Variants in CLVS1 observed in about 807,000 individuals in gnomAD.
CLVS1 encodes the protein clavesin-1.
Under a neutral mutation model 33.1 loss-of-function variants are expected in CLVS1, and 10 were observed. The observed-to-expected ratio is 0.30, with a 90% CI of 0.19 to 0.51. The LOEUF is 0.51. Ranked by LOEUF, CLVS1 falls within the 20% of genes least tolerant of loss-of-function variation. CLVS1 has a pLI of 0.97. For missense variants in CLVS1, 343 were observed against 433.4 expected (o/e 0.79, Z 1.85); for synonymous variants, 163 against 166.1 (o/e 0.98, Z 0.14).
chr8:61,034,628 C>T, the CLVS1 span, among the ~76,000 whole-genome samples: 1 of 152,084 alleles, frequency 6.6e-6, no homozygotes, highest in Non-Finnish European at 1.5e-5. Context: ...AGAAGTTTTA[C>T]CAATTCTCTC....
intron 3 of CLVS1, among the ~76,000 whole-genome samples, chr8:61,405,394 G>A (rs1214139245): frequency 1.3e-5 from 2 of 152,138 alleles, no homozygotes; most frequent in South Asian, 4.1e-4. Context: ...TTACACAAGG[G>A]CATTTCTGCA....
intron 1 of CLVS1, among the ~76,000 whole-genome samples, chr8:61,072,391 A>AC (rs1273314449): frequency 6.6e-6 from 1 of 151,888 alleles, no homozygotes; most frequent in East Asian, 1.9e-4. Flanking sequence ...GTTTCCTAAG[A>AC]CCCCCTCTTA....
intron 5 of CLVS1, among the ~76,000 whole-genome samples, chr8:61,481,900 T>A (rs1302505464): frequency 6.6e-6 from 1 of 152,210 alleles, no homozygotes; most frequent in Non-Finnish European, 1.5e-5. Context: ...GTCTGCCTCC[T>A]CAAGTGGGTC....
At chr8:61,371,375 G>A (rs749361496) in intron 2 of CLVS1, among the ~76,000 whole-genome samples, 1 of 152,124 alleles carries the variant, frequency 6.6e-6, no homozygotes, top group Non-Finnish European at 1.5e-5. Context: ...GGAGTTCCTT[G>A]TAGATTCTGG....
intron 2 of CLVS1, among the ~76,000 whole-genome samples, chr8:61,182,150 C>T (rs1291625247): frequency 6.6e-6 from 1 of 152,044 alleles, no homozygotes; most frequent in African/African-American, 2.4e-5. Context: ...AAAACTGGAC[C>T]CCTTCCTTAC....
At chr8:61,017,129 G>A in the CLVS1 span, among the ~76,000 whole-genome samples, 1 of 152,214 alleles carries the variant, frequency 6.6e-6, no homozygotes, top group East Asian at 1.9e-4. Context: ...TGCACTGGGG[G>A]AGAGCCGAGC....
rs1222688861 is a variant in CLVS1, at chr8:61,116,859, T to G, written c.-242-14911T>G. On this transcript the variant is annotated intron_variant, in intron 1 of 2. Coordinates refer to the CLVS1 transcript ENST00000522621. ...GGATTGACTTGGCGATGCGGGCTCT[T>G]TTTTGGTTCCATATGAACTTTAAAG... is the stretch of plus-strand genomic sequence containing the variant. Among the ~76,000 whole-genome samples, 12 of 142,410 alleles carry G rather than the reference T, an allele frequency of 8.4e-5. No individual in the cohort carries two copies. The Admixed American group carries it at 8.5e-4, about 10-fold the overall frequency. 93.4% of individuals were successfully genotyped at this position (142,410 alleles called of 152,430 possible). A position where few individuals can be genotyped will look rare whatever the true frequency, so the allele number is the denominator to read the frequency against.
chr8:61,097,175 C>T (rs572796441), intron 1 of CLVS1, among the ~76,000 whole-genome samples: 9 of 149,050 alleles, frequency 6.0e-5, no homozygotes, highest in African/African-American at 2.0e-4. Flanking sequence ...GCCTGGGCAA[C>T]ATAGGGAGAT....
At chr8:61,453,801 C>G (rs956989845) in intron 3 of CLVS1, among the ~76,000 whole-genome samples, 24 of 152,120 alleles carry the variant, frequency 1.6e-4, no homozygotes, top group African/African-American at 5.3e-4. Context: ...GCCTTCGTTA[C>G]CTAACGCAAT....
chr8:61,377,010 C>T, intron 3 of CLVS1: 1 of 443,518 alleles, frequency 2.3e-6, no homozygotes, highest in Non-Finnish European at 4.0e-6. Flanking sequence ...AAATTATCCT[C>T]TGTAGCAATA....
intron 2 of CLVS1, among the ~76,000 whole-genome samples, chr8:61,159,564 G>C (rs925909019): frequency 2.6e-5 from 4 of 152,122 alleles, no homozygotes; most frequent in African/African-American, 7.2e-5. Flanking sequence ...ACAGAGAAAA[G>C]CACTTTTATT....
the CLVS1 span, among the ~76,000 whole-genome samples, chr8:61,035,145 C>T: frequency 1.3e-5 from 2 of 150,474 alleles, no homozygotes; most frequent in African/African-American, 4.9e-5. Flanking sequence ...CTTGAGATTG[C>T]TGCTCTTTCA....
chr8:61,096,468 C>A (rs1467841918), intron 1 of CLVS1, among the ~76,000 whole-genome samples: 1 of 152,096 alleles, frequency 6.6e-6, no homozygotes, highest in African/African-American at 2.4e-5. Flanking sequence ...AAAGAAAACC[C>A]CATATTCTGT....
At chr8:61,405,855 AGTTTTG>A (rs1814965933) in intron 3 of CLVS1, among the ~76,000 whole-genome samples, 1 of 151,748 alleles carries the variant, frequency 6.6e-6, no homozygotes, top group Non-Finnish European at 1.5e-5. Flanking sequence ...TTATGAAGAT[AGTTTTG>A]ACCCTGTGGC....
At chr8:61,490,667 A>AT (rs2129608594) in intron 5 of CLVS1, among the ~76,000 whole-genome samples, 1 of 150,532 alleles carries the variant, frequency 6.6e-6, no homozygotes, top group Non-Finnish European at 1.5e-5. Context: ...AAAAAAAAAA[A>AT]AAAAAGTAGG....
chr8:61,172,749 T>G (rs1191546149), intron 2 of CLVS1, among the ~76,000 whole-genome samples: 1 of 151,184 alleles, frequency 6.6e-6, no homozygotes, highest in Admixed American at 6.6e-5. Context: ...TCCTAACTAG[T>G]GAGCAGTCTC....
At chr8:61,210,939 G>A (rs1393141930) in intron 2 of CLVS1, among the ~76,000 whole-genome samples, 2 of 151,996 alleles carry the variant, frequency 1.3e-5, no homozygotes, top group Non-Finnish European at 2.9e-5. Flanking sequence ...GGGAAGAGAG[G>A]GAGACTTCCT....
At chr8:61,101,977 A>G (rs1249643636) in intron 1 of CLVS1, among the ~76,000 whole-genome samples, 2 of 152,160 alleles carry the variant, frequency 1.3e-5, no homozygotes, top group East Asian at 3.8e-4. Flanking sequence ...ACAGTACCAC[A>G]CTGTTTTGAT....
intron 1 of CLVS1, among the ~76,000 whole-genome samples, chr8:61,066,180 C>A (rs988950517): frequency 3.3e-5 from 5 of 152,072 alleles, no homozygotes; most frequent in Admixed American, 6.6e-5. Context: ...AGAATATGTT[C>A]ATGTGTTCAT....
Sources: gnomAD v4.1 joint callset for allele counts (sites outside exome capture counted in the v4.1 genomes callset) on GRCh38, gnomAD v4.1.1 for gene constraint, MANE v1.5 for transcripts, NCBI Gene and HGNC (gene_info 2026-07-23, HGNC 2026-07-21) for gene names.